RAMP1: variants seen among roughly 807,000 people sequenced by gnomAD.
RAMP1 encodes the protein receptor activity-modifying protein 1.
RAMP1 carries 7 observed loss-of-function variants against 8.2 expected under a neutral mutation model. The observed-to-expected ratio is 0.85, with a 90% CI of 0.49 to 1.60. The LOEUF is 1.60. RAMP1 is among the 40% of genes most tolerant of loss of function. RAMP1 has a pLI of 0.00. For synonymous variants in RAMP1, 92 were observed against 84.7 expected (o/e 1.09, Z -0.47); for missense variants, 192 against 202.4 (o/e 0.95, Z 0.31).
chr2:237,879,485 TTTA>T (rs984044714), intron 2 of RAMP1, among the ~76,000 whole-genome samples: 11 of 138,688 alleles, frequency 7.9e-5, no homozygotes, highest in South Asian at 2.2e-4. Flanking sequence ...TTTTCGTTTT[TTTA>T]TTATTATTAT....
chr2:237,864,157 G>A (rs945400796), intron 1 of RAMP1, among the ~76,000 whole-genome samples: 3 of 123,860 alleles, frequency 2.4e-5, no homozygotes, highest in African/African-American at 1.3e-4. Flanking sequence ...CTGGCCCGTG[G>A]CCTGGGCCAG....
At chr2:237,894,365 C>G (rs1409260583) in intron 2 of RAMP1, among the ~76,000 whole-genome samples, 2 of 152,224 alleles carry the variant, frequency 1.3e-5, no homozygotes, top group Non-Finnish European at 2.9e-5. Context: ...GACACATTAA[C>G]TCACCTCTTT....
chr2:237,871,116 G>A (rs546376441), intron 1 of RAMP1, among the ~76,000 whole-genome samples: 2 of 152,306 alleles, frequency 1.3e-5, no homozygotes, highest in South Asian at 2.1e-4. Flanking sequence ...TCCTCTTCTC[G>A]CAACCGCCCC....
chr2:237,877,171 C>T lies in RAMP1; in HGVS notation c.53-53C>T, dbSNP rs1402240615. ...AGGGGCGCGCGGGCTGGCGGTGATACCCCTAGGCCTCTGCTGCCGCCCGCC... is the reference window on the plus strand; with the variant it reads ...AGGGGCGCGCGGGCTGGCGGTGATATCCCTAGGCCTCTGCTGCCGCCCGCC... On this transcript the variant is annotated intron_variant, in intron 1 of 2. Transcript: ENST00000254661. The surrounding 1 kb of genome is among the most constrained non-coding windows in gnomAD (Gnocchi z 4.4). 7 of 1,610,324 alleles carry T rather than the reference C, an allele frequency of 4.3e-6. No individual in the cohort carries two copies. In the East Asian group the frequency reaches 1.6e-4, roughly 36 times the overall value.
chr2:237,885,130 G>C lies in RAMP1; in HGVS notation c.191+7768G>C, dbSNP rs188718898. ...CTTCTTTGTGTCTCCTGCTAAAAGA[G>C]TCAAGTCAGGAAATTCTTCAGAACT... is the stretch of plus-strand genomic sequence containing the variant. On this transcript the variant is annotated intron_variant, in intron 2 of 2. Transcript: ENST00000254661. 2.5e-3 allele frequency among the ~76,000 whole-genome samples: 378 copies of C among 152,376 alleles called. 2 individuals are homozygous for C. Among genetic ancestry groups the C allele is most frequent in the African/African-American group, 8.7e-3 (361 of 41,584 alleles).
chr2:237,878,012 C>T lies in RAMP1; in HGVS notation c.191+650C>T, dbSNP rs2062327357. On this transcript the variant is annotated intron_variant, in intron 2 of 2. Coordinates refer to ENST00000254661, the MANE Select transcript of RAMP1 (RefSeq NM_005855.4). The surrounding 1 kb of genome is among the most constrained non-coding windows in gnomAD (Gnocchi z 5.7). ...CAGCAGGCCCAGGCTCCTCTGCCTC[C>T]AGAGCGGCGATCAGAACTCGGCATG... is the stretch of plus-strand genomic sequence containing the variant. 1 of 985,372 alleles carries T rather than the reference C, an allele frequency of 1.0e-6. No individual in the cohort carries two copies. The highest frequency in any genetic ancestry group is 1.7e-5 in the African/African-American group (1 of 57,262). The allele number at this position is 985,372 out of a possible 1,614,324, so 61.0% of individuals were successfully genotyped here.
At position 237,862,876 on chromosome 2, in the gene RAMP1, C is replaced by T. The variant is rs2062145795; in HGVS notation, c.52+3149C>T. On this transcript the variant is annotated intron_variant, in intron 1 of 2. Transcript: ENST00000254661. The surrounding 1 kb of genome is among the most constrained non-coding windows in gnomAD (Gnocchi z 4.0). ...ACCACGGGGAAAAGCTGCGTCTTTC[C>T]TCCAGGCTGGATCTGAGTGGGGCTG... Among the ~76,000 whole-genome samples, 1 of 152,190 alleles carries T rather than the reference C, an allele frequency of 6.6e-6. No homozygotes were observed.
At chr2:237,887,850 C>T (rs1216991608) in intron 2 of RAMP1, among the ~76,000 whole-genome samples, 2 of 152,148 alleles carry the variant, frequency 1.3e-5, no homozygotes, top group Admixed American at 6.5e-5. Flanking sequence ...AGGATCGCCT[C>T]GGCCCAGGAG....
At chr2:237,873,611 G>A (rs529664640) in intron 1 of RAMP1, among the ~76,000 whole-genome samples, 4 of 152,264 alleles carry the variant, frequency 2.6e-5, no homozygotes, top group East Asian at 1.9e-4. Context: ...GTCTTAACAC[G>A]CCGAGGGCTG....
intron 2 of RAMP1, among the ~76,000 whole-genome samples, chr2:237,896,672 G>A (rs746296915): frequency 3.3e-5 from 5 of 152,338 alleles, no homozygotes; most frequent in East Asian, 1.9e-4. Context: ...TTAAGGCAGG[G>A]TCTCACTCTG....
At chr2:237,866,129 G>C (rs2062184834) in intron 1 of RAMP1, among the ~76,000 whole-genome samples, 1 of 152,100 alleles carries the variant, frequency 6.6e-6, no homozygotes, top group African/African-American at 2.4e-5. Context: ...TCGAGAAACA[G>C]CAGTCTGTTC....
At chr2:237,890,355 C>T (rs191010626) in intron 2 of RAMP1, among the ~76,000 whole-genome samples, 1 of 152,196 alleles carries the variant, frequency 6.6e-6, no homozygotes, top group African/African-American at 2.4e-5. Context: ...GCACTCACCA[C>T]CACGCCTGGC....
At chr2:237,859,998 C>CGTGGG (rs992509297) in intron 1 of RAMP1, 2 of 391,196 alleles carry the variant, frequency 5.1e-6, no homozygotes, top group Non-Finnish European at 9.2e-6. Flanking sequence ...TTCTGGAAAG[C>CGTGGG]GTGGGGTGAG....
At chr2:237,905,284 C>T (rs1179510106) in intron 2 of RAMP1, among the ~76,000 whole-genome samples, 2 of 152,228 alleles carry the variant, frequency 1.3e-5, no homozygotes, top group Non-Finnish European at 2.9e-5. Flanking sequence ...TTATCACATC[C>T]TCACTGACGG....
At chr2:237,904,172 G>A (rs2062632429) in intron 2 of RAMP1, among the ~76,000 whole-genome samples, 3 of 151,170 alleles carry the variant, frequency 2.0e-5, no homozygotes, top group African/African-American at 7.3e-5. Context: ...CCAGCACTTT[G>A]GGAGTCTGAG....
chr2:237,880,397 T>C (rs2062356748), intron 2 of RAMP1, among the ~76,000 whole-genome samples: 1 of 152,210 alleles, frequency 6.6e-6, no homozygotes, highest in African/African-American at 2.4e-5. Context: ...TCCAGGCTTA[T>C]CTTAGACATT....
intron 2 of RAMP1, among the ~76,000 whole-genome samples, chr2:237,906,743 A>G (rs929010075): frequency 9.0e-5 from 9 of 99,720 alleles, no homozygotes; most frequent in African/African-American, 3.2e-4. Flanking sequence ...TTTTTTTTTA[A>G]AGACAGTCTT....
At position 237,859,666 on chromosome 2, in the gene RAMP1, G is replaced by A. The variant is rs1394651438; in HGVS notation, c.-10G>A. 3 of 1,495,462 alleles carry A rather than the reference G, an allele frequency of 2.0e-6. No homozygotes were observed. The South Asian group carries it at 3.8e-5, about 19-fold the overall frequency. The allele number at this position is 1,495,462 out of a possible 1,614,324, so 92.6% of individuals were successfully genotyped here. On this transcript the variant is annotated 5_prime_UTR_variant, in exon 1 of 3. Transcript: ENST00000254661. The stretch of plus-strand genomic sequence containing the variant: ...TGGCGAGCGGACTCGACTCGGCACC[G>A]CTGTGCACCATGGCCCGGGCCCTGT...
intron 2 of RAMP1, among the ~76,000 whole-genome samples, chr2:237,884,028 C>A (rs1468443654): frequency 2.6e-5 from 4 of 151,120 alleles, no homozygotes; most frequent in African/African-American, 9.8e-5. Context: ...GTTCCGACAG[C>A]CCTTGCCCTG....
Sources: gnomAD v4.1 joint callset for allele counts (sites outside exome capture counted in the v4.1 genomes callset) on GRCh38, gnomAD v4.1.1 for gene constraint, Gnocchi (gnomAD v3.1) non-coding constraint, MANE v1.5 for transcripts, NCBI Gene and HGNC (gene_info 2026-07-23, HGNC 2026-07-21) for gene names.